PIK3C2A: variants seen among roughly 807,000 people sequenced by gnomAD.
PIK3C2A encodes phosphatidylinositol 4-phosphate 3-kinase C2 domain-containing subunit alpha.
A neutral mutation model predicts 204.5 loss-of-function variants in PIK3C2A; 97 were observed. The ratio of observed to expected loss-of-function variants is 0.47; its 90% CI spans 0.40 to 0.56. The LOEUF (loss-of-function observed/expected upper bound fraction) is 0.56. Among genes scored for constraint, PIK3C2A ranks in the 20% least tolerant of loss-of-function variants. The pLI is 0.00. For synonymous variants in PIK3C2A, 653 were observed against 664.4 expected (o/e 0.98, Z 0.26); for missense variants, 1,735 against 1,969.2 (o/e 0.88, Z 2.25).
intron 1 of PIK3C2A, among the ~76,000 whole-genome samples, chr11:17,170,066 T>C (rs1384326524): frequency 5.9e-5 from 9 of 152,216 alleles, no homozygotes; most frequent in Non-Finnish European, 1.3e-4. Flanking sequence ...AAATGAACTT[T>C]AGACGCTTTC....
chr11:17,131,768 A>T, intron 12 of PIK3C2A, 148 bp downstream of exon 12: 1 of 702,730 alleles, frequency 1.4e-6, no homozygotes, highest in Non-Finnish European at 2.5e-6. Flanking sequence ...CTATAAAATC[A>T]TATCTAGAAG....
chr11:17,185,536 G>T (rs923311818), intron 1 of PIK3C2A, among the ~76,000 whole-genome samples: 1 of 152,126 alleles, frequency 6.6e-6, no homozygotes, highest in Non-Finnish European at 1.5e-5. Context: ...CTAAGGAAAA[G>T]GTGGGGAAAC....
At chr11:17,103,203 AAGAT>A (rs1452791133) in intron 23 of PIK3C2A, among the ~76,000 whole-genome samples, 1 of 11,158 alleles carries the variant, frequency 9.0e-5, no homozygotes, top group Non-Finnish European at 4.7e-4. Context: ...TGATGGATAG[AAGAT>A]TTTTTGCTTT....
At chr11:17,109,114 G>A (rs1202787128) in intron 22 of PIK3C2A, among the ~76,000 whole-genome samples, 1 of 152,210 alleles carries the variant, frequency 6.6e-6, no homozygotes, top group Non-Finnish European at 1.5e-5. Context: ...AGCATAAATT[G>A]AATGGCAAAT....
intron 20 of PIK3C2A, among the ~76,000 whole-genome samples, chr11:17,113,225 A>T (rs1849057205): frequency 6.6e-6 from 1 of 152,104 alleles, no homozygotes; most frequent in African/African-American, 2.4e-5. Flanking sequence ...AGATACGCAA[A>T]AATACTTTTT....
At chr11:17,186,522 AT>A (rs1851756283) in intron 1 of PIK3C2A, among the ~76,000 whole-genome samples, 1 of 152,226 alleles carries the variant, frequency 6.6e-6, no homozygotes, top group Non-Finnish European at 1.5e-5. Flanking sequence ...CAAAATGAGT[AT>A]TTTAACCTAA....
chr11:17,163,708 C>T (rs566798483), intron 2 of PIK3C2A, among the ~76,000 whole-genome samples: 3 of 152,072 alleles, frequency 2.0e-5, no homozygotes, highest in Non-Finnish European at 4.4e-5. Context: ...GCCACCAAAC[C>T]CACCATTCTA....
In PIK3C2A at chr11:17,123,471, C is replaced by T. The variant is rs540306584; in HGVS notation, c.2400-658G>A. Among the ~76,000 whole-genome samples the T allele has an allele frequency of 2.7e-5, 4 of 146,454 alleles. No homozygotes were observed. The East Asian group carries it at 6.0e-4, about 22-fold the overall frequency. On this transcript the variant is annotated intron_variant, in intron 13 of 32. Transcript: ENST00000691414. The stretch of plus-strand genomic sequence containing the variant: ...AAGGGGTTTCGCCATGTTGCCCAAG[C>T]TCGTCTTGAACTCCTGAGGCTCATA...
At chr11:17,179,789 T>A (rs1209590918) in intron 1 of PIK3C2A, among the ~76,000 whole-genome samples, 1 of 151,970 alleles carries the variant, frequency 6.6e-6, no homozygotes, top group South Asian at 2.1e-4. Context: ...AATGTTTTCA[T>A]TTTTTGTAGA....
intron 19 of PIK3C2A, 111 bp downstream of exon 19, chr11:17,117,380 T>TA (rs1386804883): frequency 1.5e-5 from 10 of 646,242 alleles, no homozygotes; most frequent in African/African-American, 5.4e-5. Flanking sequence ...TGGGTATAGT[T>TA]AGAGTTCTAC....
At chr11:17,197,075 G>A (rs1034360536) in intron 1 of PIK3C2A, among the ~76,000 whole-genome samples, 6 of 151,922 alleles carry the variant, frequency 3.9e-5, no homozygotes, top group African/African-American at 1.2e-4. Flanking sequence ...GAGGTGGGAG[G>A]ATCACAAGGT....
At chr11:17,196,510 A>G (rs192116670) in intron 1 of PIK3C2A, among the ~76,000 whole-genome samples, 1 of 152,330 alleles carries the variant, frequency 6.6e-6, no homozygotes, top group East Asian at 1.9e-4. Context: ...CAGACAGTAA[A>G]TGAAATAGGA....
In PIK3C2A at chr11:17,115,252, G is replaced by C. The variant is rs202137401; in HGVS notation, c.3217-787C>G. Among the ~76,000 whole-genome samples, 10 of 151,758 alleles carry C rather than the reference G, an allele frequency of 6.6e-5. No homozygotes were observed. In the East Asian group the frequency reaches 1.9e-3, roughly 29 times the overall value. On this transcript the variant is annotated intron_variant, in intron 19 of 32. Transcript: ENST00000691414. Reference sequence around the variant, plus strand: ...AACTATGGTAATTAAAAAAAGTATAGGCTGGGTGGATGGCTCATATCTATA... The same window carrying C: ...AACTATGGTAATTAAAAAAAGTATACGCTGGGTGGATGGCTCATATCTATA...
intron 2 of PIK3C2A, among the ~76,000 whole-genome samples, chr11:17,167,345 G>A (rs780578014): frequency 1.3e-5 from 2 of 151,972 alleles, no homozygotes; most frequent in South Asian, 2.1e-4. Context: ...CAATTTGGCC[G>A]GGCATGGTGG....
chr11:17,092,850 G>A (rs1489642379), intron 28 of PIK3C2A, among the ~76,000 whole-genome samples: 1 of 152,028 alleles, frequency 6.6e-6, no homozygotes, highest in African/African-American at 2.4e-5. Flanking sequence ...GGCAAAAAAC[G>A]CAATTACTTT....
At chr11:17,161,756 G>A (rs1850782987) in intron 2 of PIK3C2A, among the ~76,000 whole-genome samples, 1 of 152,090 alleles carries the variant, frequency 6.6e-6, no homozygotes, top group African/African-American at 2.4e-5. Flanking sequence ...AATTCTTACA[G>A]GAAATGAACA....
chr11:17,167,495 C>T (rs1319637627), intron 2 of PIK3C2A, among the ~76,000 whole-genome samples: 2 of 152,126 alleles, frequency 1.3e-5, no homozygotes, highest in South Asian at 2.1e-4. Flanking sequence ...GTGGCACATG[C>T]CTGTAATCCC....
chr11:17,097,115 C>G lies in PIK3C2A; in HGVS notation c.4268G>C (p.Arg1423Pro). 6.2e-7 allele frequency: 1 copy of G among 1,608,666 alleles called. No individual in the cohort carries two copies. Among genetic ancestry groups the G allele is most frequent in the Non-Finnish European group, 8.5e-7 (1 of 1,175,130 alleles). The stretch of plus-strand genomic sequence containing the variant: ...TGTAAAAACAGAGACTTCCTTGATT[C>G]GACCATCTTGTCTAAAGGAGTATGT... ...PKTYSFRQDG[R>P]IKEVSVFTYH... The change falls in exon 27 of 33, where the codon CGA (arginine) becomes CCA (proline). Residue 1423 changes from arginine (R) to proline (P), a missense_variant. Arg to Pro is a moderately radical substitution (Grantham distance 103). Coordinates refer to ENST00000691414, the MANE Select transcript of PIK3C2A (RefSeq NM_002645.4).
intron 12 of PIK3C2A, among the ~76,000 whole-genome samples, chr11:17,130,316 A>G (rs1849653206): frequency 6.6e-6 from 1 of 152,244 alleles, no homozygotes. Flanking sequence ...GCACTCTGAT[A>G]GCAAATGTTG....
Sources: gnomAD v4.1 joint callset for allele counts (sites outside exome capture counted in the v4.1 genomes callset) on GRCh38, gnomAD v4.1.1 for gene constraint, MANE v1.5 for transcripts, NCBI Gene and HGNC (gene_info 2026-07-23, HGNC 2026-07-21) for gene names.